The following EIPR1 variants were observed in gnomAD, a reference collection of about 807,000 sequenced individuals.
EIPR1 encodes EARP and GARP complex-interacting protein 1.
EIPR1 carries 25 observed loss-of-function variants against 48.1 expected under a neutral mutation model. The observed-to-expected ratio is 0.52, with a 90% confidence interval of 0.38 to 0.73. The LOEUF is 0.73. Ranked by LOEUF, EIPR1 falls within the 30% of genes least tolerant of loss-of-function variation. EIPR1 has a pLI of 0.00. For missense variants in EIPR1, 415 were observed against 506.2 expected (o/e 0.82, Z 1.73); for synonymous variants, 204 against 201.9 (o/e 1.01, Z -0.09).
intron 3 of EIPR1, among the ~76,000 whole-genome samples, chr2:3,311,677 G>C (rs989223358): frequency 6.6e-5 from 10 of 152,192 alleles, no homozygotes; most frequent in Non-Finnish European, 1.2e-4. Context: ...GCAGAGTACA[G>C]GGCTAGGGGT....
At chr2:3,255,886 G>A (rs1033347410) in intron 4 of EIPR1, among the ~76,000 whole-genome samples, 2 of 152,194 alleles carry the variant, frequency 1.3e-5, no homozygotes, top group African/African-American at 4.8e-5. Context: ...ACACACATGC[G>A]CACAAATGTC....
chr2:3,356,517 T>C (rs377000272), intron 1 of EIPR1, among the ~76,000 whole-genome samples: 6 of 152,286 alleles, frequency 3.9e-5, no homozygotes, highest in African/African-American at 1.4e-4. Context: ...ATCCATCTGT[T>C]TTAGGACAAG....
intron 5 of EIPR1, among the ~76,000 whole-genome samples, chr2:3,197,683 T>C (rs1369929332): frequency 2.6e-5 from 4 of 152,264 alleles, no homozygotes; most frequent in Non-Finnish European, 5.9e-5. Context: ...GCATGTTGGC[T>C]GCATCGTTAT....
intron 3 of EIPR1, among the ~76,000 whole-genome samples, chr2:3,262,745 T>C (rs2103228488): frequency 6.6e-6 from 1 of 152,330 alleles, no homozygotes; most frequent in South Asian, 2.1e-4. Flanking sequence ...CAGAACCATG[T>C]CTTTTGATAA....
In EIPR1 at chr2:3,189,995, G is replaced by A. The variant is rs1317465012; in HGVS notation, c.990-487C>T. 6.6e-6 allele frequency among the ~76,000 whole-genome samples: 1 copy of A among 152,106 alleles called. No homozygotes were observed. The highest frequency in any genetic ancestry group is 1.5e-5 in the Non-Finnish European group (1 of 67,998). On this transcript the variant is annotated intron_variant, in intron 8 of 8. Transcript: ENST00000382125. The surrounding 1 kb of genome is among the most constrained non-coding windows in gnomAD (Gnocchi z 4.6). ...GGAGTCAGAGGCTGGGGCACAAGGA[G>A]CCTTGCTAGGATGGGAGTGGGGCTG... is the stretch of plus-strand genomic sequence containing the variant.
At position 3,241,266 on chromosome 2, in the gene EIPR1, C is replaced by T. The variant is rs567959011; in HGVS notation, c.416+16033G>A. On this transcript the variant is annotated intron_variant, in intron 4 of 8. Coordinates refer to ENST00000382125, the MANE Select transcript of EIPR1 (RefSeq NM_003310.5). ...CCGCAGAGCTGAGATGCAGATGCCA[C>T]GAGGTAATCCATGGGGGCCCAACTG... is the stretch of plus-strand genomic sequence containing the variant. Among the ~76,000 whole-genome samples, 44 of 152,312 alleles carry T rather than the reference C, an allele frequency of 2.9e-4. No homozygotes were observed. In the South Asian group the frequency reaches 7.5e-3, roughly 26 times the overall value.
chr2:3,215,891 A>G (rs1305475491), intron 4 of EIPR1, among the ~76,000 whole-genome samples: 2 of 152,266 alleles, frequency 1.3e-5, no homozygotes, highest in Non-Finnish European at 2.9e-5. Context: ...TCAAAGGCAC[A>G]TCACGTCTAT....
In EIPR1 at chr2:3,286,571, G is replaced by A. The variant is rs1056375656; in HGVS notation, c.260-29116C>T. On this transcript the variant is annotated intron_variant, in intron 3 of 8. Transcript: ENST00000382125. This position sits in a 1 kb window ranked among gnomAD's most constrained non-coding sequence, Gnocchi z 4.2. ...TGTCTACCTTGGTGACTCTGGAAGC[G>A]TTTTCATAAGCACTTGTCATATGTC... Among the ~76,000 whole-genome samples, 19 of 152,226 alleles carry A rather than the reference G, an allele frequency of 1.2e-4. No individual in the cohort carries two copies. Among genetic ancestry groups the A allele is most frequent in the African/African-American group, 4.1e-4 (17 of 41,456 alleles).
At chr2:3,258,691 A>T in intron 3 of EIPR1, among the ~76,000 whole-genome samples, 1 of 152,236 alleles carries the variant, frequency 6.6e-6, no homozygotes, top group East Asian at 1.9e-4. Context: ...TGTGAATATT[A>T]TTAATACCAT....
In EIPR1 at chr2:3,192,444, C is replaced by T. The variant is rs1161508104; in HGVS notation, c.959G>A (p.Ser320Asn). 1 of 1,612,634 alleles carries T rather than the reference C, an allele frequency of 6.2e-7. No homozygotes were observed. The highest frequency in any genetic ancestry group is 8.5e-7 in the Non-Finnish European group (1 of 1,179,532). The change falls in exon 8 of 9, where the codon AGT becomes AAT. Residue 320 changes from serine to asparagine, a missense_variant. Physicochemically the swap from Ser to Asn is conservative, Grantham distance 46. Coordinates refer to ENST00000382125, the MANE Select transcript of EIPR1 (RefSeq NM_003310.5). Reference sequence around the variant, plus strand: ...TTCAGAACGGTGGTCCTCCTGGTCACTGATGTCATCGTCGTCTACCAAGTG... The same window carrying T: ...TTCAGAACGGTGGTCCTCCTGGTCATTGATGTCATCGTCGTCTACCAAGTG... ...FGHLVDDDDI[S>N]DQEDHRSEEK... is the part of the protein sequence containing the mutation.
chr2:3,240,587 TTCCTAAAGAAAAGCCAGCAGATCCC>T lies in EIPR1; in HGVS notation c.416+16687_416+16711del, dbSNP rs1462100924. 1.5e-3 allele frequency among the ~76,000 whole-genome samples: 89 copies of T among 61,040 alleles called. 3 individuals are homozygous for T. Among genetic ancestry groups the T allele is most frequent in the Non-Finnish European group, 3.3e-4 (10 of 30,006 alleles). 40.0% of individuals were successfully genotyped at this position (61,040 alleles called of 152,430 possible). On this transcript the variant is annotated intron_variant, in intron 4 of 8. Coordinates refer to ENST00000382125, the MANE Select transcript of EIPR1 (RefSeq NM_003310.5). ...CTCCTAAAGCAAAGCCAGCAGACCCTTCCTAAAGAAAAGCCAGCAGATCCCTCCTAAAGAAAAGCCAGCAGATCCC... is the reference window on the plus strand; with the variant it reads ...CTCCTAAAGCAAAGCCAGCAGACCCTTCCTAAAGAAAAGCCAGCAGATCCC...
intron 4 of EIPR1, among the ~76,000 whole-genome samples, chr2:3,252,070 G>A (rs1387450896): frequency 2.6e-5 from 4 of 152,166 alleles, no homozygotes; most frequent in Non-Finnish European, 4.4e-5. Flanking sequence ...CTAGCAAAGG[G>A]GCCTCGTTCA....
intron 3 of EIPR1, among the ~76,000 whole-genome samples, chr2:3,324,939 C>T (rs1320712775): frequency 6.6e-6 from 1 of 152,230 alleles, no homozygotes; most frequent in Non-Finnish European, 1.5e-5. Context: ...GCAGCGCTTC[C>T]AGGTTCCCAC....
At chr2:3,234,118 T>A (rs983425079) in intron 4 of EIPR1, among the ~76,000 whole-genome samples, 2 of 151,988 alleles carry the variant, frequency 1.3e-5, no homozygotes, top group Non-Finnish European at 2.9e-5. Context: ...GAGGGCGTGG[T>A]GTGGATCCAT....
At chr2:3,370,674 G>A (rs949228036) in intron 1 of EIPR1, among the ~76,000 whole-genome samples, 88 of 152,200 alleles carry the variant, frequency 5.8e-4, no homozygotes, top group South Asian at 1.9e-3. Context: ...GAAGCGAGAA[G>A]GGAAGTTTAG....
chr2:3,238,311 T>TC (rs1278901068), intron 4 of EIPR1, among the ~76,000 whole-genome samples: 15 of 152,098 alleles, frequency 9.9e-5, no homozygotes, highest in Non-Finnish European at 1.5e-5. Context: ...CTGGTGCTCT[T>TC]CCACCTACAT....
At chr2:3,285,903 G>A (rs1226359537) in intron 3 of EIPR1, among the ~76,000 whole-genome samples, 1 of 145,644 alleles carries the variant, frequency 6.9e-6, no homozygotes, top group Non-Finnish European at 1.5e-5. Context: ...CGGGACCCTC[G>A]CATGGAGCAG....
rs1469756886 is a variant in EIPR1, at chr2:3,199,946, C to T, written c.517-2929G>A. Reference sequence around the variant, plus strand: ...ATGGGGGGGTGTCCACATCTGGGCACGCATTGGGGGGTGTGTCCACATCTA... The same window carrying T: ...ATGGGGGGGTGTCCACATCTGGGCATGCATTGGGGGGTGTGTCCACATCTA... On this transcript the variant is annotated intron_variant, in intron 5 of 8. Transcript: ENST00000382125. 1.1e-3 allele frequency among the ~76,000 whole-genome samples: 80 copies of T among 71,790 alleles called. 3 individuals are homozygous for T. The South Asian group carries it at 0.012, about 11-fold the overall frequency. 47.1% of individuals were successfully genotyped at this position (71,790 alleles called of 152,430 possible). A position where few individuals can be genotyped will look rare whatever the true frequency, so the allele number is the denominator to read the frequency against.
At chr2:3,230,856 A>C (rs1216139622) in intron 4 of EIPR1, among the ~76,000 whole-genome samples, 2 of 152,184 alleles carry the variant, frequency 1.3e-5, no homozygotes, top group East Asian at 1.9e-4. Flanking sequence ...TATGAATTTC[A>C]GGACTTTTAT....
Sources: gnomAD v4.1 joint callset for allele counts (sites outside exome capture counted in the v4.1 genomes callset) on GRCh38, gnomAD v4.1.1 for gene constraint, Gnocchi (gnomAD v3.1) non-coding constraint, MANE v1.5 for transcripts, NCBI Gene and HGNC (gene_info 2026-07-23, HGNC 2026-07-21) for gene names.